WDR41: variants seen among roughly 807,000 people sequenced by gnomAD.
The protein encoded by WDR41 is WD repeat domain 41.
In WDR41, 63 loss-of-function variants were observed where a neutral mutation model predicts 69.3. The ratio of observed to expected loss-of-function variants is 0.91; its 90% CI spans 0.74 to 1.12. WDR41 has a LOEUF of 1.12. Ranked by LOEUF, WDR41 falls within the 50% of genes most tolerant of loss-of-function variation. The probability of loss-of-function intolerance (pLI) is 0.00; values close to 1 mark genes in which losing one functional copy is unlikely to be tolerated. For synonymous variants in WDR41, 185 were observed against 192.1 expected, an observed-to-expected ratio of 0.96 and a Z score of 0.31; for missense variants, 543 against 534.5, an observed-to-expected ratio of 1.02 and a Z score of -0.16.
chr5:77,480,825 TA>T (rs10559151), intron 2 of WDR41, among the ~76,000 whole-genome samples: 22,041 of 145,230 alleles, frequency 0.15, 2,352 homozygotes, highest in African/African-American at 0.28. Flanking sequence ...AAAGTATAAT[TA>T]AAAAAAAAAA....
Position 77,438,170 on chromosome 5 carries a change from G to A in WDR41, c.1004+70C>T. ...GAAGCCAGGTAACTTGGCCACTTGA[G>A]AAATTACACTGGTAGCCCTGGGAAC... On this transcript the variant is annotated intron_variant, in intron 10 of 12. Transcript: ENST00000296679. 3 of 1,596,764 alleles carry A rather than the reference G, an allele frequency of 1.9e-6. No homozygotes were observed. In the African/African-American group the frequency reaches 4.0e-5, roughly 21 times the overall value.
At chr5:77,591,490 A>G (rs943364416) in intron 1 of WDR41, among the ~76,000 whole-genome samples, 1 of 152,028 alleles carries the variant, frequency 6.6e-6, no homozygotes, top group Non-Finnish European at 1.5e-5. Flanking sequence ...TAGATACTTA[A>G]TTTGATGGTA....
At chr5:77,535,911 A>T (rs889483330) in intron 1 of WDR41, among the ~76,000 whole-genome samples, 2 of 152,188 alleles carry the variant, frequency 1.3e-5, no homozygotes, top group Non-Finnish European at 2.9e-5. Context: ...TTTACAGTGC[A>T]TATTGTTTTT....
intron 1 of WDR41, among the ~76,000 whole-genome samples, chr5:77,600,677 C>T (rs1744306715): frequency 6.6e-6 from 1 of 152,004 alleles, no homozygotes; most frequent in African/African-American, 2.4e-5. Context: ...GTCAGGAGTT[C>T]AAGACCAGCC....
rs538314999 is a variant in WDR41 at position 77,492,222 on chromosome 5, C to G, written c.-2G>C. The G allele has an allele frequency of 1.2e-6, 2 of 1,612,612 alleles. No individual in the cohort carries two copies. Among genetic ancestry groups the G allele is most frequent in the African/African-American group, 1.3e-5 (1 of 74,946 alleles). On this transcript the variant is annotated 5_prime_UTR_variant, in exon 1 of 13. Coordinates refer to ENST00000296679, the MANE Select transcript of WDR41 (RefSeq NM_018268.4). ...TCCCCCGATCAGCCATCGCAACATC[C>G]GGGCAGCGGCGGCGTCTTGCCCGGT...
intron 1 of WDR41, among the ~76,000 whole-genome samples, chr5:77,514,243 C>A (rs1802258811): frequency 6.6e-6 from 1 of 152,056 alleles, no homozygotes; most frequent in African/African-American, 2.4e-5. Context: ...AATCATACTG[C>A]AGATTCATTT....
chr5:77,610,482 G>A (rs1439420519), intron 1 of WDR41, among the ~76,000 whole-genome samples: 1 of 152,214 alleles, frequency 6.6e-6, no homozygotes, highest in East Asian at 1.9e-4. Context: ...CAAGCCAGAA[G>A]AGAGTGGGGG....
chr5:77,555,880 A>G (rs1362245737), intron 1 of WDR41, among the ~76,000 whole-genome samples: 1 of 152,176 alleles, frequency 6.6e-6, no homozygotes, highest in African/African-American at 2.4e-5. Flanking sequence ...TAAAATTCAT[A>G]TGGAAAGAAA....
intron 1 of WDR41, among the ~76,000 whole-genome samples, chr5:77,529,794 G>T (rs1185165937): frequency 6.6e-6 from 1 of 151,496 alleles, no homozygotes; most frequent in East Asian, 1.9e-4. Flanking sequence ...AAGATAAATG[G>T]TTCTGGAAAA....
chr5:77,588,376 C>T (rs1315088667), intron 1 of WDR41, among the ~76,000 whole-genome samples: 1 of 152,140 alleles, frequency 6.6e-6, no homozygotes, highest in African/African-American at 2.4e-5. Flanking sequence ...TAAGGACATT[C>T]TCCTGTGTGA....
At chr5:77,593,093 A>G (rs1464769486) in intron 1 of WDR41, among the ~76,000 whole-genome samples, 1 of 152,224 alleles carries the variant, frequency 6.6e-6, no homozygotes, top group Non-Finnish European at 1.5e-5. Context: ...AGGTGGGGAC[A>G]TGCTCAGAGA....
At chr5:77,465,807 C>T (rs1343776231) in intron 2 of WDR41, among the ~76,000 whole-genome samples, 1 of 151,094 alleles carries the variant, frequency 6.6e-6, no homozygotes, top group East Asian at 1.9e-4. Context: ...TTATAATTAA[C>T]AGATGCTATG....
chr5:77,462,519 G>T (rs989362037), intron 4 of WDR41, among the ~76,000 whole-genome samples: 2 of 151,556 alleles, frequency 1.3e-5, no homozygotes, highest in African/African-American at 4.9e-5. Context: ...TTACACATAA[G>T]CACTTTACTA....
chr5:77,554,800 G>A (rs186178849), intron 1 of WDR41, among the ~76,000 whole-genome samples: 8 of 152,074 alleles, frequency 5.3e-5, no homozygotes, highest in African/African-American at 1.9e-4. Context: ...AGTGGTAGTG[G>A]ATACAAGAAT....
chr5:77,509,746 A>G (rs12523142), intron 1 of WDR41, among the ~76,000 whole-genome samples: 52,251 of 152,030 alleles, frequency 0.34, 8,995 homozygotes, highest in Admixed American at 0.36. Context: ...TGAGGTGACG[A>G]AAACCTAAAA....
At chr5:77,574,328 A>ATAAG (rs1448315360) in intron 1 of WDR41, among the ~76,000 whole-genome samples, 1 of 151,956 alleles carries the variant, frequency 6.6e-6, no homozygotes, top group Non-Finnish European at 1.5e-5. Context: ...AAATAAATAA[A>ATAAG]TAAAATTCCT....
intron 1 of WDR41, among the ~76,000 whole-genome samples, chr5:77,589,177 T>A (rs1744092748): frequency 6.6e-6 from 1 of 152,328 alleles, no homozygotes; most frequent in African/African-American, 2.4e-5. Flanking sequence ...GGGTTACAAA[T>A]AAATTTTAGC....
chr5:77,440,785 G>A (rs1799126447), intron 9 of WDR41, 28 bp downstream of exon 9: 2 of 1,609,166 alleles, frequency 1.2e-6, no homozygotes, highest in African/African-American at 2.7e-5. Flanking sequence ...TCAAAGGCAA[G>A]TTTATAGATA....
chr5:77,583,019 C>A (rs1253807134), intron 1 of WDR41: 1 of 1,598,618 alleles, frequency 6.3e-7, no homozygotes, highest in Non-Finnish European at 8.5e-7. Flanking sequence ...AAATTGTCTT[C>A]TCCACGAGGT....
Sources: gnomAD v4.1 joint callset for allele counts (sites outside exome capture counted in the v4.1 genomes callset) on GRCh38, gnomAD v4.1.1 for gene constraint, MANE v1.5 for transcripts, NCBI Gene and HGNC (gene_info 2026-07-23, HGNC 2026-07-21) for gene names.